The following ENAH variants were observed in gnomAD, a reference collection of about 807,000 sequenced individuals.
ENAH encodes the protein ENAH actin regulator.
ENAH carries 23 observed loss-of-function variants against 78.7 expected under a neutral mutation model. The observed-to-expected ratio is 0.29, with a 90% CI of 0.21 to 0.41. The LOEUF (loss-of-function observed/expected upper bound fraction) is 0.41, where lower values mean the gene tolerates loss of function less well. ENAH is among the 10% of genes least tolerant of loss of function. ENAH has a pLI of 1.00. For missense variants in ENAH, 544 were observed against 691.0 expected (o/e 0.79, Z 2.39); for synonymous variants, 226 against 241.0 (o/e 0.94, Z 0.58).
At chr1:225,587,409 A>T (rs531196048) in intron 1 of ENAH, among the ~76,000 whole-genome samples, 260 of 152,352 alleles carry the variant, frequency 1.7e-3, no homozygotes, top group African/African-American at 6.0e-3. Context: ...ATAAAGTTTT[A>T]AAAACTGCAT....
chr1:225,526,100 G>C (rs575651900), intron 4 of ENAH, among the ~76,000 whole-genome samples: 51 of 152,108 alleles, frequency 3.4e-4, no homozygotes, highest in African/African-American at 1.2e-3. Flanking sequence ...TGATCTAGAC[G>C]ATCAATGAGT....
At chr1:225,537,524 T>A (rs1165507593) in intron 3 of ENAH, among the ~76,000 whole-genome samples, 2 of 152,192 alleles carry the variant, frequency 1.3e-5, no homozygotes, top group African/African-American at 4.8e-5. Context: ...AACTTCCTGC[T>A]TAATACTGAT....
intron 1 of ENAH, 23 bp downstream of exon 1, chr1:225,652,663 C>T (rs920603590): frequency 3.9e-6 from 5 of 1,275,438 alleles, no homozygotes; most frequent in African/African-American, 1.5e-5. Context: ...GCCCGCCCGG[C>T]CCCCGCCCCG....
At chr1:225,645,509 G>C (rs529470454) in intron 1 of ENAH, among the ~76,000 whole-genome samples, 3 of 152,314 alleles carry the variant, frequency 2.0e-5, no homozygotes, top group South Asian at 2.1e-4. Context: ...TTGTGTACAA[G>C]TTTTTCTGTG....
At chr1:225,542,376 C>T (rs1405195235) in intron 3 of ENAH, among the ~76,000 whole-genome samples, 1 of 152,172 alleles carries the variant, frequency 6.6e-6, no homozygotes, top group African/African-American at 2.4e-5. Context: ...GGAATCAAAC[C>T]CAAAGGCATT....
chr1:225,650,575 G>A (rs1662772714), intron 1 of ENAH, among the ~76,000 whole-genome samples: 1 of 152,026 alleles, frequency 6.6e-6, no homozygotes, highest in African/African-American at 2.4e-5. Flanking sequence ...TTTCGGCCAG[G>A]CACCGTGGCT....
At chr1:225,605,165 A>G (rs2096950593) in intron 1 of ENAH, among the ~76,000 whole-genome samples, 1 of 152,216 alleles carries the variant, frequency 6.6e-6, no homozygotes, top group African/African-American at 2.4e-5. Flanking sequence ...GAATCTTAAG[A>G]AACTGCTGAT....
At chr1:225,623,564 G>A (rs986506128) in intron 1 of ENAH, among the ~76,000 whole-genome samples, 7 of 149,496 alleles carry the variant, frequency 4.7e-5, no homozygotes, top group Admixed American at 2.0e-4. Flanking sequence ...CATAGTACCC[G>A]ACAAGTAGTG....
intron 2 of ENAH, 57 bp from the exon 3 acceptor site, chr1:225,555,140 T>C: frequency 7.1e-7 from 1 of 1,402,322 alleles, no homozygotes; most frequent in Admixed American, 1.9e-5. Flanking sequence ...ATCAAGGATG[T>C]CAACAAATGC....
In ENAH at chr1:225,497,771, T is replaced by C. The variant is rs17501138; in HGVS notation, c.*4A>G. 85,343 of 1,610,400 alleles carry C rather than the reference T, an allele frequency of 0.053. 2,829 individuals are homozygous for C. Among genetic ancestry groups the C allele is most frequent in the South Asian group, 0.1 (9,121 of 90,624 alleles). On this transcript the variant is annotated 3_prime_UTR_variant, in exon 14 of 14. Coordinates refer to ENST00000366843, the MANE Select transcript of ENAH (RefSeq NM_018212.6). ...AAAGTCCTATCTCTCCTTAGTCTGT[T>C]CCTCTATGCAGTATTTGACTTGCTC...
At chr1:225,634,284 G>A (rs1659648028) in intron 1 of ENAH, among the ~76,000 whole-genome samples, 1 of 152,204 alleles carries the variant, frequency 6.6e-6, no homozygotes, top group African/African-American at 2.4e-5. Flanking sequence ...GCATTTAAGA[G>A]TTTAAAATAT....
intron 1 of ENAH, chr1:225,581,393 G>T: frequency 1.9e-6 from 1 of 529,220 alleles, no homozygotes; most frequent in Non-Finnish European, 2.4e-6. Context: ...GCAGAGCCAA[G>T]TTAGACAGAC....
Position 225,530,750 on chromosome 1 carries a change from C to A in ENAH, c.350-112G>T, listed in dbSNP as rs779484243. 1.4e-4 allele frequency: 111 copies of A among 817,510 alleles called. 1 individual carries two copies. The highest frequency in any genetic ancestry group is 5.8e-4 in the Middle Eastern group (2 of 3,444). 50.6% of individuals were successfully genotyped at this position (817,510 alleles called of 1,614,324 possible). A position where few individuals can be genotyped will look rare whatever the true frequency, so the allele number is the denominator to read the frequency against. ...CATCACATATTTACAAACGTGTCTT[C>A]TTTTTGTCTAGCAAAATAAAATATA... is the stretch of plus-strand genomic sequence containing the variant. On this transcript the variant is annotated intron_variant, in intron 3 of 13. Coordinates refer to ENST00000366843, the MANE Select transcript of ENAH (RefSeq NM_018212.6).
intron 2 of ENAH, among the ~76,000 whole-genome samples, chr1:225,561,448 C>G (rs1209952339): frequency 6.9e-6 from 1 of 145,320 alleles, no homozygotes; most frequent in African/African-American, 2.4e-5. Flanking sequence ...ATGGTGAAAC[C>G]CTGTCTCTAC....
chr1:225,562,598 A>AAAC (rs1173980611), intron 2 of ENAH, among the ~76,000 whole-genome samples: 2 of 147,822 alleles, frequency 1.4e-5, no homozygotes, highest in Admixed American at 6.7e-5. Context: ...AAAAAAAAAA[A>AAAC]AAAACACACC....
Position 225,517,315 on chromosome 1 carries a change from G to GGA in ENAH, c.803-11_803-10dup, listed in dbSNP as rs1558738287. 1.3e-6 allele frequency: 2 copies of GGA among 1,551,768 alleles called. No individual in the cohort carries two copies. The highest frequency in any genetic ancestry group is 1.7e-6 in the Non-Finnish European group (2 of 1,147,024). On this transcript the variant is annotated splice_polypyrimidine_tract_variant and intron_variant, in intron 5 of 13. Transcript: ENST00000366843. ...AACAGAGGCAGGGGCAGCTGCAGAGGGAGAAGGGAGAACACTAGGCTTGGA... is the reference window on the plus strand; with the variant it reads ...AACAGAGGCAGGGGCAGCTGCAGAGGGAGAGAAGGGAGAACACTAGGCTTGGA...
At chr1:225,505,014 G>A in intron 11 of ENAH, 1 of 1,612,754 alleles carries the variant, frequency 6.2e-7, no homozygotes, top group Non-Finnish European at 8.5e-7. Context: ...CATAGGACCT[G>A]TTGTCAAAAA....
chr1:225,644,293 ATTGAT>A (rs763888487), intron 1 of ENAH, among the ~76,000 whole-genome samples: 5 of 152,354 alleles, frequency 3.3e-5, no homozygotes, highest in African/African-American at 4.8e-5. Context: ...GACAACAGTA[ATTGAT>A]TTATTTTTCT....
chr1:225,576,347 T>C lies in ENAH; in HGVS notation c.6-8933A>G, dbSNP rs1007791789. Among the ~76,000 whole-genome samples, 10 of 152,050 alleles carry C rather than the reference T, an allele frequency of 6.6e-5. No homozygotes were observed. In the East Asian group the frequency reaches 1.9e-3, roughly 29 times the overall value. On this transcript the variant is annotated intron_variant, in intron 1 of 13. Transcript: ENST00000366843. ...TGACCAAATGTATTCATTATAATTGTACTTGTAAGTCTGCAATCTAAATAT... is the reference window on the plus strand; with the variant it reads ...TGACCAAATGTATTCATTATAATTGCACTTGTAAGTCTGCAATCTAAATAT...
Sources: gnomAD v4.1 joint callset for allele counts (sites outside exome capture counted in the v4.1 genomes callset) on GRCh38, gnomAD v4.1.1 for gene constraint, MANE v1.5 for transcripts, NCBI Gene and HGNC (gene_info 2026-07-23, HGNC 2026-07-21) for gene names.